The following FOXN3 variants were observed in gnomAD, a reference collection of about 807,000 sequenced individuals.
The protein encoded by FOXN3 is forkhead box N3.
In FOXN3, 7 loss-of-function variants were observed where a neutral mutation model predicts 38.4. That is an observed-to-expected ratio of 0.18 (90% CI 0.10 to 0.34). FOXN3 has a LOEUF of 0.34. Among genes scored for constraint, FOXN3 ranks in the 10% least tolerant of loss-of-function variants. FOXN3 has a pLI of 1.00. For synonymous variants in FOXN3, 230 were observed against 242.2 expected (o/e 0.95, Z 0.47); for missense variants, 456 against 613.4 (o/e 0.74, Z 2.71).
At chr14:89,200,583 C>G (rs1888211618) in intron 4 of FOXN3, among the ~76,000 whole-genome samples, 1 of 152,194 alleles carries the variant, frequency 6.6e-6, no homozygotes, top group South Asian at 2.1e-4. Context: ...TTGATACTCC[C>G]CAGGCAGATG....
intron 1 of FOXN3, among the ~76,000 whole-genome samples, chr14:89,467,804 G>GTTTTTTTTTTTTTTTTTTTTTTTT (rs68132432): frequency 5.3e-5 from 3 of 56,578 alleles, no homozygotes; most frequent in African/African-American, 2.0e-4. Context: ...TTCTTTCTTT[G>GTTTTTTTTTTTTTTTTTTTTTTTT]TTTTTTTTTT....
At chr14:89,453,026 C>T (rs1401707898) in intron 1 of FOXN3, among the ~76,000 whole-genome samples, 3 of 151,666 alleles carry the variant, frequency 2.0e-5, no homozygotes, top group Non-Finnish European at 4.4e-5. Flanking sequence ...TGGTGAAACT[C>T]CGTCCCTATT....
chr14:89,286,502 T>C (rs769335658), intron 3 of FOXN3, among the ~76,000 whole-genome samples: 4 of 152,164 alleles, frequency 2.6e-5, no homozygotes, highest in Admixed American at 6.5e-5. Context: ...CCTATCATAC[T>C]CTTAGCGCTG....
rs749441645 is a variant in FOXN3, at chr14:89,617,976, T to TC, written c.-15+1051dup. On this transcript the variant is annotated intron_variant, in intron 1 of 6. Coordinates refer to the FOXN3 transcript ENST00000345097. Reference sequence around the variant, plus strand: ...GAGCTCTGCACCCTCCGAGCTGCTCTCCTCTCCAAGGCAGAGTCGGCGATC... The same window carrying TC: ...GAGCTCTGCACCCTCCGAGCTGCTCTCCCTCTCCAAGGCAGAGTCGGCGATC... Among the ~76,000 whole-genome samples, 7 of 152,120 alleles carry TC rather than the reference T, an allele frequency of 4.6e-5. No homozygotes were observed. The East Asian group carries it at 5.8e-4, about 13-fold the overall frequency.
intron 1 of FOXN3, among the ~76,000 whole-genome samples, chr14:89,508,263 C>T (rs2139802019): frequency 6.6e-6 from 1 of 152,304 alleles, no homozygotes; most frequent in Admixed American, 6.5e-5. Flanking sequence ...GCTTGTGGCT[C>T]AGCTCAAAGC....
chr14:89,263,701 A>G (rs1176043036), intron 4 of FOXN3: 1 of 152,216 alleles, frequency 6.6e-6, no homozygotes, highest in Non-Finnish European at 1.5e-5. Flanking sequence ...CTATTGGAAT[A>G]ACGTATGTCC....
intron 4 of FOXN3, among the ~76,000 whole-genome samples, chr14:89,225,962 A>G (rs1017918120): frequency 1.2e-4 from 18 of 152,192 alleles, no homozygotes; most frequent in African/African-American, 4.3e-4. Context: ...GTTGTCAGAT[A>G]ATTGGCCTCT....
At chr14:89,333,423 A>T (rs536106522) in intron 3 of FOXN3, among the ~76,000 whole-genome samples, 1 of 96,600 alleles carries the variant, frequency 1.0e-5, no homozygotes, top group Admixed American at 1.1e-4. Flanking sequence ...GTCTCAAAAG[A>T]AAAAAAAAAA....
chr14:89,586,977 C>A (rs976253121), intron 1 of FOXN3, among the ~76,000 whole-genome samples: 1 of 152,234 alleles, frequency 6.6e-6, no homozygotes, highest in Non-Finnish European at 1.5e-5. Flanking sequence ...GAAACAGAAC[C>A]AGCAGATGTA....
intron 1 of FOXN3, among the ~76,000 whole-genome samples, chr14:89,446,595 T>C (rs191999252): frequency 3.3e-5 from 5 of 152,354 alleles, no homozygotes; most frequent in African/African-American, 1.2e-4. Flanking sequence ...ACACTGTAAA[T>C]ACACTTAGTA....
At chr14:89,505,836 C>A (rs973468991) in intron 1 of FOXN3, among the ~76,000 whole-genome samples, 1 of 151,466 alleles carries the variant, frequency 6.6e-6, no homozygotes, top group East Asian at 1.9e-4. Flanking sequence ...TGAGGAGCGT[C>A]TCTGCCCGGC....
intron 1 of FOXN3, among the ~76,000 whole-genome samples, chr14:89,480,094 T>C (rs938726322): frequency 6.6e-5 from 10 of 152,192 alleles, no homozygotes; most frequent in Non-Finnish European, 2.9e-5. Flanking sequence ...AAGGTATTTG[T>C]CACTGACTAT....
chr14:89,430,460 A>G (rs551865167), intron 1 of FOXN3, among the ~76,000 whole-genome samples: 1 of 152,234 alleles, frequency 6.6e-6, no homozygotes, highest in African/African-American at 2.4e-5. Flanking sequence ...ACATTGCTGC[A>G]GACTACTTTC....
intron 4 of FOXN3, among the ~76,000 whole-genome samples, chr14:89,256,906 G>C (rs991935805): frequency 6.6e-6 from 1 of 152,202 alleles, no homozygotes; most frequent in African/African-American, 2.4e-5. Context: ...TGAGACCTCT[G>C]CAAGTCTACT....
At chr14:89,295,243 G>A (rs1318638864) in intron 3 of FOXN3, among the ~76,000 whole-genome samples, 2 of 152,104 alleles carry the variant, frequency 1.3e-5, no homozygotes, top group Non-Finnish European at 2.9e-5. Flanking sequence ...TCGAATCCCA[G>A]GTACCCAGGA....
intron 3 of FOXN3, among the ~76,000 whole-genome samples, chr14:89,314,443 A>C (rs1182373608): frequency 6.6e-6 from 1 of 151,956 alleles, no homozygotes; most frequent in Non-Finnish European, 1.5e-5. Flanking sequence ...TGTCAGCTTC[A>C]TTTCTTATCT....
chr14:89,562,152 G>A (rs890396917), intron 1 of FOXN3, among the ~76,000 whole-genome samples: 14 of 152,192 alleles, frequency 9.2e-5, no homozygotes, highest in African/African-American at 2.7e-4. Flanking sequence ...ATTTGGGTAC[G>A]TGTGTACACA....
intron 3 of FOXN3, among the ~76,000 whole-genome samples, chr14:89,286,664 T>C (rs1228944132): frequency 6.6e-6 from 1 of 152,192 alleles, no homozygotes; most frequent in African/African-American, 2.4e-5. Flanking sequence ...GCCTTATAAC[T>C]GGGGATTAAT....
chr14:89,498,207 TCTC>T (rs202044642), intron 1 of FOXN3, among the ~76,000 whole-genome samples: 8 of 128,634 alleles, frequency 6.2e-5, no homozygotes, highest in South Asian at 2.5e-4. Flanking sequence ...TCTCTCTCTC[TCTC>T]TTTTTTTTTT....
Sources: gnomAD v4.1 joint callset for allele counts (sites outside exome capture counted in the v4.1 genomes callset) on GRCh38, gnomAD v4.1.1 for gene constraint, MANE v1.5 for transcripts, NCBI Gene and HGNC (gene_info 2026-07-23, HGNC 2026-07-21) for gene names.